LDB2: variants seen among roughly 807,000 people sequenced by gnomAD.
The protein encoded by LDB2 is LIM domain-binding protein 2.
Under a neutral mutation model 44.3 loss-of-function variants are expected in LDB2, and 12 were observed. That is an observed-to-expected ratio of 0.27 (90% CI 0.17 to 0.44). LDB2 has a LOEUF of 0.44. Ranked by LOEUF, LDB2 falls within the 20% of genes least tolerant of loss-of-function variation. The pLI, the probability that LDB2 is intolerant of heterozygous loss-of-function variation, is 1.00. For missense variants in LDB2, 344 were observed against 473.5 expected, an observed-to-expected ratio of 0.73 and a Z score of 2.54; for synonymous variants, 164 against 174.8, an observed-to-expected ratio of 0.94 and a Z score of 0.49.
intron 2 of LDB2, among the ~76,000 whole-genome samples, chr4:16,676,526 G>A (rs1023418068): frequency 6.6e-6 from 1 of 152,332 alleles, no homozygotes; most frequent in African/African-American, 2.4e-5. Flanking sequence ...GTCAAGTGCT[G>A]TGGGGAATTA....
At chr4:16,770,858 A>G (rs919296287) in intron 1 of LDB2, among the ~76,000 whole-genome samples, 3 of 152,150 alleles carry the variant, frequency 2.0e-5, no homozygotes, top group Admixed American at 1.3e-4. Flanking sequence ...ATTACTCTAG[A>G]AGCACAGGTT....
chr4:16,690,678 C>A (rs1045819532), intron 2 of LDB2, among the ~76,000 whole-genome samples: 1 of 152,062 alleles, frequency 6.6e-6, no homozygotes, highest in Non-Finnish European at 1.5e-5. Context: ...CAATGGACAA[C>A]CCTCAGGCTC....
chr4:16,516,653 A>G (rs1462800345), intron 5 of LDB2, among the ~76,000 whole-genome samples: 2 of 152,208 alleles, frequency 1.3e-5, no homozygotes, highest in East Asian at 1.9e-4. Context: ...ATAAAATGGG[A>G]GAGTTACACT....
At chr4:16,765,565 A>T (rs1264545572) in intron 1 of LDB2, among the ~76,000 whole-genome samples, 2 of 152,226 alleles carry the variant, frequency 1.3e-5, no homozygotes, top group African/African-American at 4.8e-5. Flanking sequence ...AAGGATAGGG[A>T]ATGGACATTA....
intron 1 of LDB2, among the ~76,000 whole-genome samples, chr4:16,801,946 C>CT (rs1243437438): frequency 6.6e-6 from 1 of 152,230 alleles, no homozygotes; most frequent in Non-Finnish European, 1.5e-5. Context: ...CCAGAATCCT[C>CT]TAACTCCTGA....
intron 5 of LDB2, among the ~76,000 whole-genome samples, chr4:16,545,272 AG>A (rs898475944): frequency 6.0e-5 from 9 of 150,566 alleles, no homozygotes; most frequent in Non-Finnish European, 1.2e-4. Flanking sequence ...GAGATCCTGC[AG>A]GATAGATATT....
chr4:16,636,600 A>C (rs1733669280), intron 2 of LDB2, among the ~76,000 whole-genome samples: 1 of 151,820 alleles, frequency 6.6e-6, no homozygotes. Flanking sequence ...TTTGTTTTCA[A>C]CTCTGCATCT....
At chr4:16,855,571 A>G (rs918832278) in intron 1 of LDB2, among the ~76,000 whole-genome samples, 1 of 152,156 alleles carries the variant, frequency 6.6e-6, no homozygotes, top group African/African-American at 2.4e-5. Context: ...TTTTCTCAAA[A>G]ATGAACAAAG....
chr4:16,789,801 A>C (rs148683607), intron 1 of LDB2, among the ~76,000 whole-genome samples: 3,154 of 152,218 alleles, frequency 0.021, 83 homozygotes, highest in African/African-American at 0.059. Context: ...GTGTGATGGC[A>C]TACGCCTGTA....
At chr4:16,892,140 G>T (rs1013371352) in intron 1 of LDB2, among the ~76,000 whole-genome samples, 6 of 152,144 alleles carry the variant, frequency 3.9e-5, no homozygotes, top group Non-Finnish European at 7.3e-5. Context: ...TTTCAGAAAG[G>T]TGTATATACC....
intron 5 of LDB2, among the ~76,000 whole-genome samples, chr4:16,578,997 A>G (rs1713079674): frequency 6.6e-6 from 1 of 152,222 alleles, no homozygotes; most frequent in Non-Finnish European, 1.5e-5. Flanking sequence ...AAATTAAAAC[A>G]AATGAACTGG....
chr4:16,835,212 G>T (rs186992414), intron 1 of LDB2, among the ~76,000 whole-genome samples: 1 of 152,280 alleles, frequency 6.6e-6, no homozygotes, highest in African/African-American at 2.4e-5. Flanking sequence ...GTATGTGTTT[G>T]CCCGTATAAC....
intron 2 of LDB2, among the ~76,000 whole-genome samples, chr4:16,701,078 C>T (rs1378270400): frequency 6.6e-6 from 1 of 152,168 alleles, no homozygotes; most frequent in Non-Finnish European, 1.5e-5. Context: ...TGACCCAAGG[C>T]TACACTGCAA....
intron 2 of LDB2, among the ~76,000 whole-genome samples, chr4:16,742,200 T>C (rs1763430506): frequency 6.6e-6 from 1 of 151,862 alleles, no homozygotes; most frequent in Non-Finnish European, 1.5e-5. Context: ...GTCTCCCAAG[T>C]AGCTGGGACT....
chr4:16,816,285 A>G (rs1329833744), intron 1 of LDB2, among the ~76,000 whole-genome samples: 1 of 152,180 alleles, frequency 6.6e-6, no homozygotes, highest in Non-Finnish European at 1.5e-5. Context: ...TGGTATTAAT[A>G]CATATTACTT....
chr4:16,886,347 C>A (rs1436760401), intron 1 of LDB2, among the ~76,000 whole-genome samples: 1 of 152,058 alleles, frequency 6.6e-6, no homozygotes, highest in East Asian at 1.9e-4. Flanking sequence ...ATTCAGGCAA[C>A]TCAAAATTAT....
intron 1 of LDB2, among the ~76,000 whole-genome samples, chr4:16,876,196 G>A (rs1336984369): frequency 2.0e-5 from 3 of 152,188 alleles, no homozygotes; most frequent in African/African-American, 7.2e-5. Context: ...TACCCTACGT[G>A]CAACAATTTC....
chr4:16,538,519 A>G (rs1732634793), intron 5 of LDB2, among the ~76,000 whole-genome samples: 1 of 152,076 alleles, frequency 6.6e-6, no homozygotes, highest in African/African-American at 2.4e-5. Flanking sequence ...TCCCCTTCCC[A>G]CCATGCTTGT....
chr4:16,588,204 C>T (rs1221378852), intron 4 of LDB2, among the ~76,000 whole-genome samples: 2 of 152,078 alleles, frequency 1.3e-5, no homozygotes, highest in African/African-American at 2.4e-5. Flanking sequence ...CAAACAAAAC[C>T]AAGAGAAGCC....
Sources: allele counts gnomAD v4.1 joint callset (sites outside exome capture counted in the v4.1 genomes callset), GRCh38; gene constraint gnomAD v4.1.1; transcripts MANE v1.5; gene names NCBI Gene and HGNC (gene_info 2026-07-23, HGNC 2026-07-21).